The following ODF2 variants were observed in gnomAD, a reference collection of about 807,000 sequenced individuals.
ODF2 encodes outer dense fiber of sperm tails 2.
In ODF2, 47 loss-of-function variants were observed where a neutral mutation model predicts 110.2. That is an observed-to-expected ratio of 0.43 (90% CI 0.34 to 0.54). The LOEUF is 0.54. Ranked by LOEUF, ODF2 falls within the 20% of genes least tolerant of loss-of-function variation. The pLI, the probability that ODF2 is intolerant of heterozygous loss-of-function variation, is 0.03. For synonymous variants in ODF2, 352 were observed against 397.7 expected, an observed-to-expected ratio of 0.89 and a Z score of 1.37; for missense variants, 812 against 1,054.5, an observed-to-expected ratio of 0.77 and a Z score of 3.19.
At chr9:128,477,907 C>T (rs1361672133) in intron 8 of ODF2, among the ~76,000 whole-genome samples, 1 of 152,032 alleles carries the variant, frequency 6.6e-6, no homozygotes, top group Non-Finnish European at 1.5e-5. Context: ...CCACTCACCG[C>T]CCAGCTTTTA....
intron 4 of ODF2, 27 bp downstream of exon 4, chr9:128,461,094 C>T (rs1836321642): frequency 1.9e-6 from 3 of 1,609,138 alleles, no homozygotes; most frequent in Non-Finnish European, 2.5e-6. Flanking sequence ...CCAGGCTTTT[C>T]TTCTCGGACT....
intron 6 of ODF2, among the ~76,000 whole-genome samples, chr9:128,472,022 C>T (rs1840116426): frequency 6.6e-6 from 1 of 152,182 alleles, no homozygotes; most frequent in Non-Finnish European, 1.5e-5. Flanking sequence ...TGGCTCACGC[C>T]TGTAATCCCA....
intron 5 of ODF2, among the ~76,000 whole-genome samples, chr9:128,470,296 C>T (rs1241780343): frequency 1.3e-5 from 2 of 151,310 alleles, no homozygotes; most frequent in East Asian, 3.9e-4. Context: ...TACTCGAGGT[C>T]CAGGGAACCT....
chr9:128,484,545 G>A (rs1843012926), intron 11 of ODF2, among the ~76,000 whole-genome samples, 156 bp from the exon 12 acceptor site: 3 of 152,154 alleles, frequency 2.0e-5, no homozygotes. Context: ...GTCCGAGTTA[G>A]GGGAGCCTCT....
Position 128,494,327 on chromosome 9 carries a change from C to T in ODF2, c.1753-183C>T, listed in dbSNP as rs1199319844. On this transcript the variant is annotated intron_variant, in intron 16 of 20. Coordinates refer to ENST00000604420, the Ensembl canonical transcript of ODF2. The surrounding 1 kb of genome is among the most constrained non-coding windows in gnomAD (Gnocchi z 4.6). ...CGGGATAACTAAATGAATGGCAAGC[C>T]ACCTGCTCAATGGCCAGCGGGGAGT... Among the ~76,000 whole-genome samples the T allele has an allele frequency of 1.3e-5, 2 of 152,166 alleles. No individual in the cohort carries two copies. Among genetic ancestry groups the T allele is most frequent in the Admixed American group, 6.5e-5 (1 of 15,272 alleles).
intron 20 of ODF2, 36 bp from the exon 21 acceptor site, chr9:128,500,031 T>C (rs763737730): frequency 4.1e-5 from 66 of 1,612,252 alleles, no homozygotes; most frequent in Non-Finnish European, 5.6e-5. Context: ...TTTTGGACAC[T>C]GCACAGCGGG....
Position 128,459,626 on chromosome 9 carries a change from C to T in ODF2, c.92C>T (p.Ala31Val), listed in dbSNP as rs1437082641. The stretch of plus-strand genomic sequence containing the variant: ...CTCACGCAGAAAAAGGTCTTGAGAG[C>T]ACCTTGTGGCGCACCCAGTGTAACT... Residue 31 changes from alanine (A) to valine (V), a missense_variant, in exon 3 of 21, where the codon GCA (alanine) becomes GTA (valine). Coordinates refer to ENST00000604420, the Ensembl canonical transcript of ODF2. The T allele has an allele frequency of 3.7e-6, 6 of 1,613,898 alleles. No individual in the cohort carries two copies. In the Middle Eastern group the frequency reaches 5.0e-4, roughly 133 times the overall value.
At chr9:128,464,988 C>T (rs117457589) in intron 4 of ODF2, among the ~76,000 whole-genome samples, 3,044 of 152,270 alleles carry the variant, frequency 0.02, 62 homozygotes, top group East Asian at 0.033. Flanking sequence ...AGCCACTGTG[C>T]CTGGCCTCCT....
intron 10 of ODF2, 152 bp downstream of exon 10, chr9:128,483,039 G>A (rs1842718674): frequency 3.2e-6 from 2 of 619,248 alleles, no homozygotes; most frequent in Admixed American, 6.0e-5. Flanking sequence ...GGGACTACAG[G>A]CGTGCGCCAC....
intron 9 of ODF2, 69 bp from the exon 10 acceptor site, chr9:128,482,745 ATC>A: frequency 8.1e-7 from 1 of 1,232,958 alleles, no homozygotes; most frequent in Middle Eastern, 1.9e-4. Context: ...GTACTCACAA[ATC>A]TCTGTCCTCC....
chr9:128,487,857 C>T (rs749631993), intron 13 of ODF2, 33 bp from the exon 14 acceptor site: 10 of 1,612,050 alleles, frequency 6.2e-6, no homozygotes, highest in Non-Finnish European at 8.5e-6. Flanking sequence ...GTAATTGATT[C>T]TCTCTGTCTG....
intron 13 of ODF2, among the ~76,000 whole-genome samples, chr9:128,487,418 T>A (rs1843583156): frequency 6.6e-6 from 1 of 151,838 alleles, no homozygotes. Context: ...GTGTGGAGAT[T>A]GGGGAGCAGG....
intron 5 of ODF2, among the ~76,000 whole-genome samples, chr9:128,470,716 C>G (rs2131731944): frequency 6.6e-6 from 1 of 152,140 alleles, no homozygotes; most frequent in African/African-American, 2.4e-5. Context: ...CCAGCCAAAC[C>G]ACGGTTTGCA....
intron 7 of ODF2, 168 bp downstream of exon 7, chr9:128,473,210 T>C: frequency 4.1e-6 from 4 of 985,288 alleles, no homozygotes; most frequent in Non-Finnish European, 4.8e-6. Flanking sequence ...TCCCAATCCT[T>C]GACCCTTGAA....
Position 128,456,681 on chromosome 9 carries a change from G to T in ODF2, c.-209+426G>T, listed in dbSNP as rs766748953. The stretch of plus-strand genomic sequence containing the variant: ...TCGTCCTCTCCTCGGGCCTCCACAT[G>T]GCAGTCACTTGTACGCCCTCCGTAG... On this transcript the variant is annotated intron_variant, in intron 1 of 20. Coordinates refer to ENST00000604420, the Ensembl canonical transcript of ODF2. 2.7e-3 allele frequency: 3,859 copies of T among 1,426,926 alleles called. 16 individuals carry two copies. The highest frequency in any genetic ancestry group is 3.1e-3 in the Non-Finnish European group (3,347 of 1,094,426). 88.4% of individuals were successfully genotyped at this position (1,426,926 alleles called of 1,614,324 possible). A position where few individuals can be genotyped will look rare whatever the true frequency, so the allele number is the denominator to read the frequency against.
intron 16 of ODF2, among the ~76,000 whole-genome samples, chr9:128,493,844 G>A (rs1845110866): frequency 6.6e-6 from 1 of 152,074 alleles, no homozygotes; most frequent in South Asian, 2.1e-4. Context: ...ACCCAGGCTG[G>A]AGTGCAGTGG....
chr9:128,500,241 TCTC>T (rs1253269620), exon 21 of ODF2: 1 of 1,614,126 alleles, frequency 6.2e-7, no homozygotes, highest in South Asian at 1.1e-5. Context: ...CCGCTCCCGA[TCTC>T]CTCCTGCCTG....
At chr9:128,496,767 AC>A (rs1386577981) in intron 18 of ODF2, among the ~76,000 whole-genome samples, 1 of 150,060 alleles carries the variant, frequency 6.7e-6, no homozygotes, top group Non-Finnish European at 1.5e-5. Flanking sequence ...TCACTCTGTC[AC>A]CCAGGCTGGA....
chr9:128,461,221 C>T (rs1406865249), intron 4 of ODF2, 154 bp downstream of exon 4: 2 of 947,344 alleles, frequency 2.1e-6, no homozygotes, highest in African/African-American at 3.3e-5. Flanking sequence ...CTATGTGAAT[C>T]TTCTTGAGTT....
Sources: allele counts gnomAD v4.1 joint callset (sites outside exome capture counted in the v4.1 genomes callset), GRCh38; gene constraint gnomAD v4.1.1; non-coding constraint Gnocchi (gnomAD v3.1); transcripts MANE v1.5; gene names NCBI Gene and HGNC (gene_info 2026-07-23, HGNC 2026-07-21).